Variants in FAAH2 observed in about 807,000 individuals in gnomAD.
FAAH2 encodes the protein fatty-acid amide hydrolase 2.
FAAH2 carries 60 observed loss-of-function variants against 36.9 expected under a neutral mutation model. The ratio of observed to expected loss-of-function variants is 1.63; its 90% CI spans 1.32 to 2.02. The LOEUF is 2.02. FAAH2 is among the 30% of genes most tolerant of loss of function. The pLI, the probability that FAAH2 is intolerant of heterozygous loss-of-function variation, is 0.00. For synonymous variants in FAAH2, 214 were observed against 143.8 expected (o/e 1.49, Z -3.49); for missense variants, 689 against 397.5 (o/e 1.73, Z -6.23).
At chrX:57,389,181 T>C (rs1374001346) in intron 7 of FAAH2, among the ~76,000 whole-genome samples, 1 of 102,844 alleles carries the variant, frequency 9.7e-6, no homozygotes, top group Non-Finnish European at 2.0e-5. Flanking sequence ...TTTGTTATGG[T>C]ACTCCAGAGA....
At chrX:57,430,050 G>C (rs967659805) in intron 7 of FAAH2, among the ~76,000 whole-genome samples, 4 of 111,222 alleles carry the variant, frequency 3.6e-5, no homozygotes, top group African/African-American at 9.8e-5. Flanking sequence ...GGGATCAGAG[G>C]GGGTGAAGGA....
chrX:57,248,030 C>T, the FAAH2 span, among the ~76,000 whole-genome samples: 102 of 112,274 alleles, frequency 9.1e-4, no homozygotes, highest in African/African-American at 3.2e-3. Context: ...CACGCATGAA[C>T]AGGCACTCTT....
At chrX:57,249,466 G>T in the FAAH2 span, among the ~76,000 whole-genome samples, 2 of 111,975 alleles carry the variant, frequency 1.8e-5, no homozygotes, top group Non-Finnish European at 3.8e-5. Flanking sequence ...AAACTTCCAG[G>T]CCCCAGACCC....
chrX:57,278,956 C>T, the FAAH2 span, among the ~76,000 whole-genome samples: 1 of 111,819 alleles, frequency 8.9e-6, no homozygotes, highest in African/African-American at 3.3e-5. Context: ...CGGGAAACAA[C>T]AGATGCTGGA....
chrX:57,287,766 T>G (rs2051851050), intron 1 of FAAH2, among the ~76,000 whole-genome samples: 1 of 111,773 alleles, frequency 8.9e-6, no homozygotes, highest in African/African-American at 3.3e-5. Context: ...TATTGTTTAT[T>G]TATACTCTGC....
intron 7 of FAAH2, among the ~76,000 whole-genome samples, chrX:57,411,367 T>C (rs1569325823): frequency 9.0e-6 from 1 of 111,705 alleles, no homozygotes; most frequent in Non-Finnish European, 1.9e-5. Context: ...ATATGCTATT[T>C]ATTGTTCTCA....
At chrX:57,347,396 T>C (rs974582355) in intron 5 of FAAH2, among the ~76,000 whole-genome samples, 1 of 111,210 alleles carries the variant, frequency 9.0e-6, no homozygotes, top group Admixed American at 9.6e-5. Flanking sequence ...TGTAGTGAAA[T>C]GTTTAATTCC....
intron 8 of FAAH2, among the ~76,000 whole-genome samples, 160 bp from the exon 9 acceptor site, chrX:57,446,768 T>G (rs1602696262): frequency 8.9e-6 from 1 of 112,460 alleles, no homozygotes; most frequent in East Asian, 2.8e-4. Flanking sequence ...TTTGTGTGAC[T>G]GAGTAATATT....
the FAAH2 span, among the ~76,000 whole-genome samples, chrX:57,223,955 A>G: frequency 9.0e-6 from 1 of 111,660 alleles, no homozygotes; most frequent in Admixed American, 9.5e-5. Context: ...CTGTCCTTAA[A>G]GCCCAACTCA....
the FAAH2 span, among the ~76,000 whole-genome samples, chrX:57,188,212 G>A: frequency 9.0e-6 from 1 of 110,966 alleles, no homozygotes; most frequent in South Asian, 3.8e-4. Context: ...TGGTGGGTAG[G>A]TCACTAATTA....
chrX:57,416,667 CT>C (rs2055852297), intron 7 of FAAH2, among the ~76,000 whole-genome samples: 2 of 111,522 alleles, frequency 1.8e-5, no homozygotes, highest in African/African-American at 6.5e-5. Context: ...ACATTTTTTC[CT>C]TCATTTCAAC....
At chrX:57,429,440 C>A (rs1314269849) in intron 7 of FAAH2, among the ~76,000 whole-genome samples, 1 of 111,037 alleles carries the variant, frequency 9.0e-6, no homozygotes, top group South Asian at 3.8e-4. Flanking sequence ...TAAAAAACTG[C>A]TTAACATTAT....
chrX:57,429,453 A>G (rs1300452517), intron 7 of FAAH2, among the ~76,000 whole-genome samples: 1 of 112,067 alleles, frequency 8.9e-6, no homozygotes, highest in Non-Finnish European at 1.9e-5. Context: ...AACATTATTA[A>G]TCAATGAAAT....
At chrX:57,471,843 T>C (rs1323302669) in intron 10 of FAAH2, among the ~76,000 whole-genome samples, 1 of 111,779 alleles carries the variant, frequency 8.9e-6, no homozygotes, top group Non-Finnish European at 1.9e-5. Context: ...CTTCAAACTA[T>C]ACTACAAGGC....
At chrX:57,135,358 T>C in the FAAH2 span, 1 of 147,665 alleles carries the variant, frequency 6.8e-6, no homozygotes, top group Non-Finnish European at 1.3e-5. Flanking sequence ...GTTGGATGTT[T>C]CCTTCTCATA....
At chrX:57,310,355 A>G (rs778369645) in intron 2 of FAAH2, among the ~76,000 whole-genome samples, 6 of 111,809 alleles carry the variant, frequency 5.4e-5, no homozygotes, top group East Asian at 2.8e-4. Context: ...AATATAAATA[A>G]TGATGCACTG....
At chrX:57,442,494 A>G (rs779644255) in intron 8 of FAAH2, among the ~76,000 whole-genome samples, 5 of 110,861 alleles carry the variant, frequency 4.5e-5, no homozygotes, top group African/African-American at 1.6e-4. Context: ...ATTTTGAGCC[A>G]ATGTGTGTCT....
At chrX:57,474,853 G>C (rs767696271) in intron 10 of FAAH2, among the ~76,000 whole-genome samples, 1 of 112,014 alleles carries the variant, frequency 8.9e-6, no homozygotes, top group Non-Finnish European at 1.9e-5. Flanking sequence ...AGGCACACCA[G>C]CATCTGTTGT....
intron 5 of FAAH2, among the ~76,000 whole-genome samples, chrX:57,375,633 T>C (rs2054655293): frequency 9.0e-6 from 1 of 111,068 alleles, no homozygotes; most frequent in African/African-American, 3.3e-5. Flanking sequence ...ATCTTGCAAC[T>C]TGTTGTAATA....
Sources: gnomAD v4.1 joint callset for allele counts (sites outside exome capture counted in the v4.1 genomes callset) on GRCh38, gnomAD v4.1.1 for gene constraint, MANE v1.5 for transcripts, NCBI Gene and HGNC (gene_info 2026-07-23, HGNC 2026-07-21) for gene names.